The following DMD variants were observed in gnomAD, a reference collection of about 807,000 sequenced individuals.
DMD encodes the protein dystrophin.
Under a neutral mutation model 330.1 loss-of-function variants are expected in DMD, and 63 were observed. The observed-to-expected ratio is 0.19, with a 90% CI of 0.16 to 0.24. The LOEUF (loss-of-function observed/expected upper bound fraction) is 0.24. Ranked by LOEUF, DMD falls within the 10% of genes least tolerant of loss-of-function variation. The pLI, the probability that DMD is intolerant of heterozygous loss-of-function variation, is 1.00. For synonymous variants in DMD, 1,223 were observed against 959.8 expected (o/e 1.27, Z -5.07); for missense variants, 3,344 against 2,684.1 (o/e 1.25, Z -5.43).
intron 1 of DMD, among the ~76,000 whole-genome samples, chrX:33,248,680 A>G (rs2052712491): frequency 8.9e-6 from 1 of 112,260 alleles, no homozygotes; most frequent in Non-Finnish European, 1.9e-5. Flanking sequence ...TACCAGAGGA[A>G]GAGAAAATTA....
chrX:33,138,855 A>C (rs941620531), intron 1 of DMD, among the ~76,000 whole-genome samples: 1 of 110,853 alleles, frequency 9.0e-6, no homozygotes, highest in African/African-American at 3.3e-5. Context: ...GATGTTTCGC[A>C]TATCTGATTG....
Position 32,670,929 on chromosome X carries a change from A to ATGTG in DMD, c.961-25781_961-25778dup, listed in dbSNP as rs374891414. Among the ~76,000 whole-genome samples, 737 of 109,246 alleles carry ATGTG rather than the reference A, an allele frequency of 6.7e-3. 6 individuals carry two copies. The highest frequency in any genetic ancestry group is 0.022 in the African/African-American group (675 of 30,237). The allele number at this position is 109,246 out of a possible 115,157, so 94.9% of individuals were successfully genotyped here. A position where few individuals can be genotyped will look rare whatever the true frequency, so the allele number is the denominator to read the frequency against. ...AAATGTGTACTTCTAAACAGTGAGG[A>ATGTG]TGTGTGTGTGTGTGTGAGTGGGAGA... is the stretch of plus-strand genomic sequence containing the variant. On this transcript the variant is annotated intron_variant, in intron 9 of 78. Coordinates refer to ENST00000357033, the MANE Select transcript of DMD (RefSeq NM_004006.3).
At chrX:32,077,946 T>C (rs2096365347) in intron 44 of DMD, among the ~76,000 whole-genome samples, 1 of 111,075 alleles carries the variant, frequency 9.0e-6, no homozygotes, top group South Asian at 3.8e-4. Context: ...CCCTCTTCTG[T>C]TCCACTTCTA....
chrX:31,993,358 G>A (rs768505437), intron 44 of DMD, among the ~76,000 whole-genome samples: 5 of 111,684 alleles, frequency 4.5e-5, no homozygotes, highest in Middle Eastern at 4.7e-3. Flanking sequence ...ACCCCTTAGC[G>A]GTTTCAAATG....
At chrX:31,839,869 A>G (rs1327701991) in intron 48 of DMD, among the ~76,000 whole-genome samples, 2 of 112,221 alleles carry the variant, frequency 1.8e-5, no homozygotes, top group Non-Finnish European at 3.8e-5. Context: ...CACTTGAAGC[A>G]TAGTAAACAT....
chrX:32,778,200 G>A (rs961599102), intron 7 of DMD, among the ~76,000 whole-genome samples: 6 of 108,006 alleles, frequency 5.6e-5, no homozygotes, highest in African/African-American at 1.4e-4. Context: ...GAAAACAGTA[G>A]GGATTTCTAC....
intron 13 of DMD, among the ~76,000 whole-genome samples, chrX:32,578,176 G>C (rs1226702248): frequency 9.1e-6 from 1 of 109,567 alleles, no homozygotes; most frequent in African/African-American, 3.3e-5. Context: ...ACTGTATTAG[G>C]ATTAGAAACC....
At chrX:32,987,466 A>T (rs865929998) in intron 2 of DMD, among the ~76,000 whole-genome samples, 1 of 111,615 alleles carries the variant, frequency 9.0e-6, no homozygotes, top group Non-Finnish European at 1.9e-5. Context: ...AGCCAGACAA[A>T]ACAGAGGCAG....
intron 1 of DMD, among the ~76,000 whole-genome samples, chrX:33,337,330 G>T (rs1398488599): frequency 1.8e-5 from 2 of 110,960 alleles, no homozygotes; most frequent in African/African-American, 6.5e-5. Context: ...GGCCAAAGAG[G>T]GCTGTATTTT....
At chrX:32,793,599 T>C (rs1285300123) in intron 7 of DMD, among the ~76,000 whole-genome samples, 4 of 109,925 alleles carry the variant, frequency 3.6e-5, no homozygotes, top group Admixed American at 9.7e-5. Context: ...ACTGATACCA[T>C]AGAAATAAAA....
intron 55 of DMD, among the ~76,000 whole-genome samples, chrX:31,582,993 G>A (rs770503465): frequency 8.9e-6 from 1 of 112,197 alleles, no homozygotes; most frequent in African/African-American, 3.2e-5. Flanking sequence ...GGCAGTAGGG[G>A]ATTTCAGTTT....
intron 44 of DMD, among the ~76,000 whole-genome samples, chrX:32,081,876 TAAC>T (rs1364474656): frequency 2.7e-5 from 3 of 109,964 alleles, no homozygotes; most frequent in African/African-American, 3.3e-5. Flanking sequence ...ATAATAATAA[TAAC>T]AACAAATAAA....
intron 68 of DMD, among the ~76,000 whole-genome samples, chrX:31,180,834 C>A (rs2041083629): frequency 8.9e-6 from 1 of 112,153 alleles, no homozygotes; most frequent in Non-Finnish European, 1.9e-5. Flanking sequence ...CCAGGAGCGA[C>A]AGACTTACGC....
chrX:32,890,649 C>G (rs1007974671), intron 2 of DMD, among the ~76,000 whole-genome samples: 1 of 110,894 alleles, frequency 9.0e-6, no homozygotes, highest in Non-Finnish European at 1.9e-5. Flanking sequence ...GGTAAGAAGG[C>G]GAAACATCCC....
intron 2 of DMD, among the ~76,000 whole-genome samples, chrX:32,852,215 G>A (rs1466186396): frequency 9.0e-6 from 1 of 111,353 alleles, no homozygotes; most frequent in Non-Finnish European, 1.9e-5. Flanking sequence ...AGTAGGATAA[G>A]GCATCAGGCA....
intron 55 of DMD, among the ~76,000 whole-genome samples, chrX:31,597,866 C>T (rs772094883): frequency 3.6e-5 from 4 of 111,182 alleles, no homozygotes; most frequent in Non-Finnish European, 5.7e-5. Context: ...TTAGTTCAGC[C>T]CCAGACATGA....
chrX:33,155,475 C>A (rs2048466596), intron 1 of DMD, among the ~76,000 whole-genome samples: 1 of 110,324 alleles, frequency 9.1e-6, no homozygotes, highest in South Asian at 3.9e-4. Flanking sequence ...GCCACCACAC[C>A]CAGCTAATTT....
chrX:31,295,386 C>T (rs1048591438), intron 62 of DMD, among the ~76,000 whole-genome samples: 7 of 110,204 alleles, frequency 6.4e-5, no homozygotes, highest in Admixed American at 1.9e-4. Context: ...ACATACCATA[C>T]GATTCGCCCA....
At chrX:33,272,518 T>C (rs767227308) in intron 1 of DMD, among the ~76,000 whole-genome samples, 10 of 111,279 alleles carry the variant, frequency 9.0e-5, no homozygotes, top group Non-Finnish European at 1.7e-4. Flanking sequence ...CACCATAAAG[T>C]TTAAGTAAAT....
Sources: gnomAD v4.1 joint callset for allele counts (sites outside exome capture counted in the v4.1 genomes callset) on GRCh38, gnomAD v4.1.1 for gene constraint, MANE v1.5 for transcripts, NCBI Gene and HGNC (gene_info 2026-07-23, HGNC 2026-07-21) for gene names.